TMEM132D: variants seen among roughly 807,000 people sequenced by gnomAD.
The protein encoded by TMEM132D is mature OL transmembrane protein.
In TMEM132D, 21 loss-of-function variants were observed where a neutral mutation model predicts 62.3. That is an observed-to-expected ratio of 0.34 (90% CI 0.24 to 0.49). The LOEUF (loss-of-function observed/expected upper bound fraction) is 0.49, where lower values mean the gene tolerates loss of function less well. Ranked by LOEUF, TMEM132D falls within the 20% of genes least tolerant of loss-of-function variation. The pLI, the probability that TMEM132D is intolerant of heterozygous loss-of-function variation, is 0.99. For synonymous variants in TMEM132D, 621 were observed against 575.6 expected (o/e 1.08, Z -1.13); for missense variants, 1,346 against 1,402.8 (o/e 0.96, Z 0.65).
At chr12:129,084,430 A>AT in intron 6 of TMEM132D, 67 bp downstream of exon 6, 1 of 1,466,056 alleles carries the variant, frequency 6.8e-7, no homozygotes, top group Non-Finnish European at 9.1e-7. Context: ...AGACCCAGTC[A>AT]TGCCCAAATT....
chr12:129,886,800 T>C (rs1874761232), intron 1 of TMEM132D, among the ~76,000 whole-genome samples: 1 of 152,138 alleles, frequency 6.6e-6, no homozygotes, highest in Non-Finnish European at 1.5e-5. Flanking sequence ...ACCTGAATCA[T>C]GAGGGTGGTT....
chr12:129,533,061 C>T (rs1452789599), intron 2 of TMEM132D, among the ~76,000 whole-genome samples: 1 of 152,122 alleles, frequency 6.6e-6, no homozygotes, highest in Non-Finnish European at 1.5e-5. Context: ...CCCCAGGACA[C>T]ATACTGATTT....
chr12:129,504,671 G>C (rs1381762025), intron 3 of TMEM132D, among the ~76,000 whole-genome samples: 1 of 152,046 alleles, frequency 6.6e-6, no homozygotes, highest in African/African-American at 2.4e-5. Context: ...CAAAGAACCA[G>C]CTTTTTGTTT....
chr12:129,541,239 C>G (rs183589860), intron 2 of TMEM132D, among the ~76,000 whole-genome samples: 9 of 152,130 alleles, frequency 5.9e-5, no homozygotes, highest in Admixed American at 5.2e-4. Context: ...AAGGGAAATA[C>G]GTAGACATAC....
chr12:129,451,359 G>A (rs565069313), intron 3 of TMEM132D, among the ~76,000 whole-genome samples: 2 of 152,324 alleles, frequency 1.3e-5, no homozygotes, highest in South Asian at 2.1e-4. Context: ...CTGTGCAACT[G>A]CATAGCTGCA....
At chr12:129,230,102 G>C (rs7955829) in intron 4 of TMEM132D, among the ~76,000 whole-genome samples, 19,010 of 152,206 alleles carry the variant, frequency 0.12, 2,549 homozygotes, top group African/African-American at 0.32. Flanking sequence ...TTTTAAATTG[G>C]TCACAGTCAC....
intron 4 of TMEM132D, among the ~76,000 whole-genome samples, chr12:129,249,616 TAA>T (rs1490234893): frequency 3.3e-5 from 5 of 152,176 alleles, no homozygotes; most frequent in African/African-American, 1.2e-4. Flanking sequence ...CCAGTCTTGG[TAA>T]TAGCGCAGGT....
At chr12:129,326,810 C>G (rs1868928542) in intron 4 of TMEM132D, among the ~76,000 whole-genome samples, 1 of 152,088 alleles carries the variant, frequency 6.6e-6, no homozygotes, top group Non-Finnish European at 1.5e-5. Flanking sequence ...TCTACCAATA[C>G]ACATATTTTA....
intron 2 of TMEM132D, among the ~76,000 whole-genome samples, chr12:129,661,912 T>C (rs1239642285): frequency 6.6e-6 from 1 of 152,228 alleles, no homozygotes; most frequent in Non-Finnish European, 1.5e-5. Flanking sequence ...CATATCTTCA[T>C]AGACTTGATG....
intron 1 of TMEM132D, among the ~76,000 whole-genome samples, chr12:129,872,956 A>G (rs1479540442): frequency 6.6e-6 from 1 of 152,206 alleles, no homozygotes; most frequent in Non-Finnish European, 1.5e-5. Context: ...AGCAAAAAGC[A>G]TTATTCCCTT....
chr12:129,321,366 AGTTACT>A (rs1237508737), intron 4 of TMEM132D, among the ~76,000 whole-genome samples: 2 of 152,202 alleles, frequency 1.3e-5, no homozygotes, highest in Admixed American at 6.5e-5. Flanking sequence ...AACTTCCCAA[AGTTACT>A]GTGATCAGGG....
chr12:129,867,986 T>A lies in TMEM132D; in HGVS notation c.79+35275A>T, dbSNP rs1163358496. On this transcript the variant is annotated intron_variant, in intron 1 of 8. Transcript: ENST00000422113. The surrounding 1 kb of genome is among the most constrained non-coding windows in gnomAD (Gnocchi z 4.5). ...TACACATGAGACAGCATTTGTACGG[T>A]ACACACATGAGGCGGCGTTTCTATG... Among the ~76,000 whole-genome samples the A allele has an allele frequency of 6.6e-6, 1 of 152,142 alleles. No homozygotes were observed. Among genetic ancestry groups the A allele is most frequent in the Admixed American group, 6.5e-5 (1 of 15,276 alleles).
At chr12:129,496,115 A>T (rs1222665555) in intron 3 of TMEM132D, among the ~76,000 whole-genome samples, 1 of 152,188 alleles carries the variant, frequency 6.6e-6, no homozygotes, top group African/African-American at 2.4e-5. Context: ...CTCATAGTGG[A>T]GTACCGGATG....
chr12:129,256,056 A>G (rs965906156), intron 4 of TMEM132D, among the ~76,000 whole-genome samples: 2 of 152,318 alleles, frequency 1.3e-5, no homozygotes, highest in East Asian at 3.9e-4. Context: ...CAAACAAAAC[A>G]TGTCAGGGGC....
chr12:129,640,233 C>G (rs530692843), intron 2 of TMEM132D, among the ~76,000 whole-genome samples: 2 of 152,018 alleles, frequency 1.3e-5, no homozygotes, highest in Non-Finnish European at 2.9e-5. Flanking sequence ...TTCTCCAGGC[C>G]AAGGAATCGT....
intron 4 of TMEM132D, among the ~76,000 whole-genome samples, chr12:129,240,536 A>T (rs752884970): frequency 2.0e-5 from 3 of 152,242 alleles, no homozygotes; most frequent in Non-Finnish European, 4.4e-5. Flanking sequence ...CTATAACAGC[A>T]TATAAAGGAA....
intron 1 of TMEM132D, among the ~76,000 whole-genome samples, chr12:129,815,471 A>C (rs1362658607): frequency 6.6e-6 from 1 of 152,180 alleles, no homozygotes; most frequent in Non-Finnish European, 1.5e-5. Context: ...CCAAGCCTAC[A>C]GCTATTCTGG....
intron 3 of TMEM132D, among the ~76,000 whole-genome samples, chr12:129,346,262 T>C (rs1369701200): frequency 6.6e-6 from 1 of 152,218 alleles, no homozygotes. Context: ...GTAGTTTGTA[T>C]ATCTGTGGGA....
intron 1 of TMEM132D, among the ~76,000 whole-genome samples, chr12:129,851,488 G>C (rs1312122682): frequency 6.6e-6 from 1 of 152,146 alleles, no homozygotes; most frequent in African/African-American, 2.4e-5. Flanking sequence ...GAGATAATTG[G>C]AACTGTAGTG....
Sources: allele counts gnomAD v4.1 joint callset (sites outside exome capture counted in the v4.1 genomes callset), GRCh38; gene constraint gnomAD v4.1.1; non-coding constraint Gnocchi (gnomAD v3.1); transcripts MANE v1.5; gene names NCBI Gene and HGNC (gene_info 2026-07-23, HGNC 2026-07-21).